ADGRB1: variants seen among roughly 807,000 people sequenced by gnomAD.
ADGRB1 encodes the protein brain-specific angiogenesis inhibitor 1.
In ADGRB1, 36 loss-of-function variants were observed where a neutral mutation model predicts 175.7. The observed-to-expected ratio is 0.20, with a 90% CI of 0.16 to 0.27. ADGRB1 has a LOEUF of 0.27. Ranked by LOEUF, ADGRB1 falls within the 10% of genes least tolerant of loss-of-function variation. The probability of loss-of-function intolerance (pLI) is 1.00; values close to 1 mark genes in which losing one functional copy is unlikely to be tolerated. For missense variants in ADGRB1, 1,731 were observed against 2,255.3 expected (o/e 0.77, Z 4.71); for synonymous variants, 1,054 against 979.4 (o/e 1.08, Z -1.42).
chr8:142,543,394 T>C lies in ADGRB1; in HGVS notation c.4414-9T>C. 1.2e-6 allele frequency: 2 copies of C among 1,613,684 alleles called. No homozygotes were observed. Among genetic ancestry groups the C allele is most frequent in the Non-Finnish European group, 1.7e-6 (2 of 1,179,770 alleles). ...TTGGCGAATGTTCGCAAACCCCTTC[T>C]CCCTGCAGCGGCGGAAGTCGCGGTA... is the stretch of plus-strand genomic sequence containing the variant. On this transcript the variant is annotated splice_polypyrimidine_tract_variant and intron_variant, in intron 28 of 30. Coordinates refer to ENST00000517894, the MANE Select transcript of ADGRB1 (RefSeq NM_001702.3). This position sits in a 1 kb window ranked among gnomAD's most constrained non-coding sequence, Gnocchi z 4.4.
At chr8:142,524,605 G>C (rs923669524) in intron 23 of ADGRB1, among the ~76,000 whole-genome samples, 9 of 152,222 alleles carry the variant, frequency 5.9e-5, no homozygotes, top group Admixed American at 1.3e-4. Flanking sequence ...GTGAGTGAGT[G>C]GCATGGGAGG....
chr8:142,471,685 G>A (rs1353059604), intron 2 of ADGRB1, among the ~76,000 whole-genome samples: 7 of 152,380 alleles, frequency 4.6e-5, no homozygotes, highest in South Asian at 4.1e-4. Flanking sequence ...CTCGCTCTTA[G>A]CTCACCTGGG....
At chr8:142,509,454 G>A (rs1842973822) in intron 17 of ADGRB1, among the ~76,000 whole-genome samples, 1 of 152,208 alleles carries the variant, frequency 6.6e-6, no homozygotes, top group Non-Finnish European at 1.5e-5. Context: ...GTGTGGGGGT[G>A]GCTCTCCAGG....
chr8:142,527,586 G>A (rs1370313005), intron 24 of ADGRB1, among the ~76,000 whole-genome samples: 1 of 152,052 alleles, frequency 6.6e-6, no homozygotes, highest in East Asian at 1.9e-4. Context: ...GCGGTGCTTT[G>A]TCTCCTGGCC....
At chr8:142,479,521 G>C (rs1240967530) in intron 8 of ADGRB1, 34 bp downstream of exon 8, 1 of 1,524,476 alleles carries the variant, frequency 6.6e-7, no homozygotes. Flanking sequence ...GGGCTCTGGG[G>C]AGGGCTGATG....
At chr8:142,458,628 C>G (rs1303625977) in intron 1 of ADGRB1, among the ~76,000 whole-genome samples, 2 of 152,164 alleles carry the variant, frequency 1.3e-5, no homozygotes, top group African/African-American at 2.4e-5. Context: ...CAGGCCCTCA[C>G]CCTGTCACCT....
chr8:142,487,788 G>T (rs113776768), intron 13 of ADGRB1, among the ~76,000 whole-genome samples: 4 of 152,242 alleles, frequency 2.6e-5, no homozygotes, highest in African/African-American at 9.6e-5. Flanking sequence ...GGGCCCTTCC[G>T]CACCCCCAAT....
At chr8:142,544,085 T>A in intron 30 of ADGRB1, 135 bp from the exon 31 acceptor site, 1 of 934,430 alleles carries the variant, frequency 1.1e-6, no homozygotes, top group Admixed American at 2.6e-5. Context: ...GAAAGCCTCA[T>A]CCTGTCCCCT....
intron 12 of ADGRB1, among the ~76,000 whole-genome samples, chr8:142,484,410 G>A (rs561784878): frequency 3.4e-4 from 52 of 152,322 alleles, no homozygotes; most frequent in African/African-American, 9.1e-4. Flanking sequence ...GGCAGCACCC[G>A]GCATGGGGGC....
rs765177884 is a variant in ADGRB1, at chr8:142,537,064, C to T, written c.3648C>T (p.Asn1216=). Residue 1216 remains asparagine, a synonymous_variant, in exon 26 of 31, where the codon AAC becomes AAT. Transcript: ENST00000517894. The surrounding 1 kb of genome is among the most constrained non-coding windows in gnomAD (Gnocchi z 4.6). ...GGGACTCAGGGGGCTCCTTCCAGAA[C>T]GGCCACGCCCAGCTCATGGTAGGAC... is the stretch of plus-strand genomic sequence containing the variant. The part of the protein sequence containing the change: ...GNGDSGGSFQ[N]GHAQLMTDFE... The T allele has an allele frequency of 1.2e-5, 18 of 1,563,914 alleles. No individual in the cohort carries two copies. Among genetic ancestry groups the T allele is most frequent in the South Asian group, 3.6e-5 (3 of 83,522 alleles).
rs1292260775 is a variant in ADGRB1, at chr8:142,537,216, T to C, written c.3666+134T>C. On this transcript the variant is annotated intron_variant, in intron 26 of 30. Transcript: ENST00000517894. This position sits in a 1 kb window ranked among gnomAD's most constrained non-coding sequence, Gnocchi z 4.6. ...GCTGAGAGGAGCTCTGAACCCAGTG[T>C]GCAGTTGGGGAAACTGAGGCTCGCC... 1 of 662,674 alleles carries C rather than the reference T, an allele frequency of 1.5e-6. No homozygotes were observed. Among genetic ancestry groups the C allele is most frequent in the Non-Finnish European group, 2.3e-6 (1 of 441,296 alleles). 41.0% of individuals were successfully genotyped at this position (662,674 alleles called of 1,614,324 possible).
At chr8:142,528,963 G>C (rs554491522) in intron 24 of ADGRB1, among the ~76,000 whole-genome samples, 1 of 152,320 alleles carries the variant, frequency 6.6e-6, no homozygotes, top group Admixed American at 6.5e-5. Context: ...TCTGGGGCCC[G>C]AGTGTGTGCC....
chr8:142,516,514 G>A (rs567203510), intron 18 of ADGRB1, among the ~76,000 whole-genome samples: 6 of 141,680 alleles, frequency 4.2e-5, no homozygotes, highest in African/African-American at 7.9e-5. Context: ...AGGTGCGTGC[G>A]TGTGCGGGTC....
chr8:142,460,673 C>G (rs1191664177), intron 1 of ADGRB1, among the ~76,000 whole-genome samples: 1 of 152,208 alleles, frequency 6.6e-6, no homozygotes, highest in African/African-American at 2.4e-5. Flanking sequence ...AGGTCCCTGC[C>G]AGGGCACTGG....
At position 142,493,580 on chromosome 8, in the gene ADGRB1, G is replaced by A. The variant is rs374184656; in HGVS notation, c.2675+2765G>A. Among the ~76,000 whole-genome samples the A allele has an allele frequency of 6.6e-6, 1 of 152,356 alleles. No homozygotes were observed. The highest frequency in any genetic ancestry group is 2.4e-5 in the African/African-American group (1 of 41,586). ...GGAGGCAGGTGCCGGTGTGGCCCACGCAGTGCCTGGCAGCATTGTGCCCAA... is the reference window on the plus strand; with the variant it reads ...GGAGGCAGGTGCCGGTGTGGCCCACACAGTGCCTGGCAGCATTGTGCCCAA... On this transcript the variant is annotated intron_variant, in intron 17 of 30. Coordinates refer to ENST00000517894, the MANE Select transcript of ADGRB1 (RefSeq NM_001702.3). This position sits in a 1 kb window ranked among gnomAD's most constrained non-coding sequence, Gnocchi z 5.0.
rs1843046997 is a variant in ADGRB1 at position 142,510,690 on chromosome 8, C to T, written c.2676-242C>T. 6.9e-6 allele frequency among the ~76,000 whole-genome samples: 1 copy of T among 145,326 alleles called. No individual in the cohort carries two copies. The highest frequency in any genetic ancestry group is 6.8e-5 in the Admixed American group (1 of 14,686). ...GCTCGGCTCCCCCGCCCGGCGCTCC[C>T]TCGGGCTGCGCTCCGCGGCTCTCGG... On this transcript the variant is annotated intron_variant, in intron 17 of 30. Coordinates refer to ENST00000517894, the MANE Select transcript of ADGRB1 (RefSeq NM_001702.3). This position sits in a 1 kb window ranked among gnomAD's most constrained non-coding sequence, Gnocchi z 6.3.
chr8:142,464,612 C>T lies in ADGRB1; in HGVS notation c.414C>T (p.Ala138=). Residue 138 remains alanine (A), a synonymous_variant, in exon 2 of 31, where the codon GCC becomes GCT. Transcript: ENST00000517894. ...CCGCACCCCTGGCCTTCCTGCAGGC[C>T]AGCAAGCAGTTCCTGCAGATGCGGC... is the stretch of plus-strand genomic sequence containing the variant. ...DPSAPLAFLQ[A]SKQFLQMRRQ... 6.6e-7 allele frequency: 1 copy of T among 1,524,198 alleles called. No homozygotes were observed. The highest frequency in any genetic ancestry group is 8.8e-7 in the Non-Finnish European group (1 of 1,139,104). The allele number at this position is 1,524,198 out of a possible 1,614,324, so 94.4% of individuals were successfully genotyped here.
rs1318201865 is a variant in ADGRB1 at position 142,449,702 on chromosome 8, A to AGCGGCGGGCGCAGGCGGCG, written c.-610_-592dup. 3.1e-5 allele frequency: 4 copies of AGCGGCGGGCGCAGGCGGCG among 129,296 alleles called. No homozygotes were observed. The highest frequency in any genetic ancestry group is 2.2e-4 in the South Asian group (1 of 4,642). The allele number at this position is 129,296 out of a possible 1,614,324, so 8.0% of individuals were successfully genotyped here. On this transcript the variant is annotated 5_prime_UTR_variant, in exon 1 of 31. Transcript: ENST00000517894. ...GAGCGGCGGCGGCGGCCGGAGAGGG[A>AGCGGCGGGCGCAGGCGGCG]GCGGCGGGCGCAGGCGGCGGCGGCG...
rs561987427 is a variant in ADGRB1 at position 142,477,470 on chromosome 8, C to T, written c.1308C>T (p.Cys436=). The T allele has an allele frequency of 4.2e-5, 67 of 1,612,930 alleles. 1 individual carries two copies. In the South Asian group the frequency reaches 7.2e-4, roughly 17 times the overall value. ...GCTTTCGGGATCGCACGCGCACCTG[C>T]AGGCCCCCCCAGTTTGGGGGCAACC... is the stretch of plus-strand genomic sequence containing the variant. ...GRGFRDRTRT[C]RPPQFGGNPC... The change falls in exon 6 of 31, where the codon TGC becomes TGT. Residue 436 remains cysteine, a synonymous_variant. Transcript: ENST00000517894.
Sources: gnomAD v4.1 joint callset for allele counts (sites outside exome capture counted in the v4.1 genomes callset) on GRCh38, gnomAD v4.1.1 for gene constraint, Gnocchi (gnomAD v3.1) non-coding constraint, MANE v1.5 for transcripts, NCBI Gene and HGNC (gene_info 2026-07-23, HGNC 2026-07-21) for gene names.